Variants in SYCP1 observed in about 807,000 individuals in gnomAD.
SYCP1 encodes the protein synaptonemal complex protein 1.
A neutral mutation model predicts 153.1 loss-of-function variants in SYCP1; 64 were observed. The ratio of observed to expected loss-of-function variants is 0.42; its 90% CI spans 0.34 to 0.51. The LOEUF (loss-of-function observed/expected upper bound fraction) is 0.51. Ranked by LOEUF, SYCP1 falls within the 20% of genes least tolerant of loss-of-function variation. The pLI is 0.06. For synonymous variants in SYCP1, 384 were observed against 341.8 expected, an observed-to-expected ratio of 1.12 and a Z score of -1.36; for missense variants, 997 against 1,049.0, an observed-to-expected ratio of 0.95 and a Z score of 0.68.
chr1:114,947,472 T>G, intron 27 of SYCP1, 152 bp downstream of exon 27: 1 of 599,302 alleles, frequency 1.7e-6, no homozygotes, highest in Admixed American at 3.1e-5. Flanking sequence ...CTAGAAACAT[T>G]TAGAATATTT....
At chr1:114,855,046 C>T (rs1172686088) in intron 1 of SYCP1, 28 bp downstream of exon 1, 1 of 152,944 alleles carries the variant, frequency 6.5e-6, no homozygotes, top group Non-Finnish European at 1.5e-5. Flanking sequence ...GAGTTATTTT[C>T]CTGGGGACTG....
At chr1:114,896,765 T>G (rs902386001) in intron 16 of SYCP1, among the ~76,000 whole-genome samples, 5 of 152,230 alleles carry the variant, frequency 3.3e-5, no homozygotes, top group Non-Finnish European at 5.9e-5. Flanking sequence ...GATTCACTTC[T>G]GCATGGACAA....
intron 20 of SYCP1, among the ~76,000 whole-genome samples, chr1:114,914,392 A>T (rs1668381763): frequency 6.6e-6 from 1 of 151,882 alleles, no homozygotes; most frequent in African/African-American, 2.4e-5. Flanking sequence ...TAGAGTATTT[A>T]TACCCACTCT....
intron 20 of SYCP1, among the ~76,000 whole-genome samples, chr1:114,919,518 G>C (rs374755183): frequency 6.6e-6 from 1 of 151,916 alleles, no homozygotes. Context: ...TTGCCTCACA[G>C]AATGAGTTTA....
In SYCP1 at chr1:114,914,065, CT is replaced by C. The variant is rs768287912; in HGVS notation, c.1718+27del. ...ATTAAGGCAAGACTAACAAATTGGC[CT>C]TTTTTTGTCTGGCAAAAGATTTTGA... On this transcript the variant is annotated intron_variant, in intron 20 of 31. Transcript: ENST00000369522. 45 of 1,505,920 alleles carry C rather than the reference CT, an allele frequency of 3.0e-5. No homozygotes were observed. The Middle Eastern group carries it at 7.1e-4, about 24-fold the overall frequency. 93.3% of individuals were successfully genotyped at this position (1,505,920 alleles called of 1,614,324 possible).
rs752664522 is a variant in SYCP1 at position 114,944,919 on chromosome 1, A to G, written c.2091A>G (p.Lys697=). 1.6e-5 allele frequency: 26 copies of G among 1,606,024 alleles called. No individual in the cohort carries two copies. In the East Asian group the frequency reaches 2.5e-4, roughly 15 times the overall value. Residue 697 remains lysine (K), a synonymous_variant, in exon 25 of 32, where the codon AAA becomes AAG. Transcript: ENST00000369522. ...CTGATGAAGCAGTAAAATTACAGAA[A>G]GAAATTGATAAGCGATGTCAACATA... ...VIADEAVKLQ[K]EIDKRCQHKI... is the part of the protein sequence containing the mutation.
intron 15 of SYCP1, among the ~76,000 whole-genome samples, chr1:114,888,990 A>T (rs995994437): frequency 5.3e-5 from 8 of 152,068 alleles, no homozygotes; most frequent in Admixed American, 1.3e-4. Context: ...TTTGCTGAGA[A>T]TGATGGTTTC....
At chr1:114,953,792 T>C (rs1459851825) in intron 27 of SYCP1, among the ~76,000 whole-genome samples, 1 of 152,220 alleles carries the variant, frequency 6.6e-6, no homozygotes, top group Non-Finnish European at 1.5e-5. Context: ...ACTTTCCATA[T>C]ATTTTAGAAT....
chr1:114,969,815 A>G (rs555362225), intron 27 of SYCP1, among the ~76,000 whole-genome samples: 1 of 152,206 alleles, frequency 6.6e-6, no homozygotes. Context: ...GGTTGCAGAA[A>G]CCATAAGAAA....
At chr1:114,943,611 A>G (rs1670519592) in intron 23 of SYCP1, among the ~76,000 whole-genome samples, 1 of 151,908 alleles carries the variant, frequency 6.6e-6, no homozygotes, top group South Asian at 2.1e-4. Flanking sequence ...AATGTTTTTT[A>G]TGCTCGAAAG....
At chr1:114,854,256 G>A (rs533819410), upstream of SYCP1, among the ~76,000 whole-genome samples, 8 of 152,110 alleles carry the variant, frequency 5.3e-5, no homozygotes, top group Non-Finnish European at 8.8e-5. Flanking sequence ...TGATCTTCCC[G>A]CCTCAGCCTT....
At position 114,913,148 on chromosome 1, in the gene SYCP1, A is replaced by C. The variant is rs1352074855; in HGVS notation, c.1645A>C (p.Asn549His). ...ACTCAAGAATCAGCAAGAAGATATT[A>C]ATGTGAGTTGAAAAAGAAAGTGCTG... ...LELKNQQEDI[N>H]NNKKQEERML... Residue 549 changes from asparagine to histidine, a missense_variant and splice_region_variant, in exon 19 of 32, where the codon AAT becomes CAT. Physicochemically the swap from Asn to His is moderately conservative, Grantham distance 68. Around this residue, in one of 2 missense-constraint regions of SYCP1, gnomAD observed 712 missense variants for 682.9 expected, o/e 1.04. Transcript: ENST00000369522. 6.2e-7 allele frequency: 1 copy of C among 1,608,244 alleles called. No individual in the cohort carries two copies. The highest frequency in any genetic ancestry group is 1.7e-5 in the Admixed American group (1 of 59,626).
intron 29 of SYCP1, among the ~76,000 whole-genome samples, chr1:114,983,603 C>T (rs1673310242): frequency 6.6e-6 from 1 of 151,840 alleles, no homozygotes; most frequent in Non-Finnish European, 1.5e-5. Context: ...TGCCAGGCTG[C>T]CCCAGGAACG....
At position 114,948,696 on chromosome 1, in the gene SYCP1, T is replaced by G. The variant is rs148321870; in HGVS notation, c.2322+1376T>G. 2.6e-3 allele frequency among the ~76,000 whole-genome samples: 388 copies of G among 151,580 alleles called. 1 individual carries two copies. The highest frequency in any genetic ancestry group is 9.0e-3 in the African/African-American group (371 of 41,270). On this transcript the variant is annotated intron_variant, in intron 27 of 31. Transcript: ENST00000369522. Reference sequence around the variant, plus strand: ...CTCTGCAAGGTCTAATTATGCCTTATTTATCTTTGTTTTCCCTTTATCTGA... The same window carrying G: ...CTCTGCAAGGTCTAATTATGCCTTAGTTATCTTTGTTTTCCCTTTATCTGA...
At chr1:114,857,113 A>G in intron 3 of SYCP1, 119 bp from the exon 4 acceptor site, 1 of 750,108 alleles carries the variant, frequency 1.3e-6, no homozygotes. Context: ...TCTAGGCAAT[A>G]GTGCCAGATG....
chr1:114,955,211 A>G (rs1341541798), intron 27 of SYCP1, among the ~76,000 whole-genome samples: 1 of 152,010 alleles, frequency 6.6e-6, no homozygotes, highest in East Asian at 1.9e-4. Context: ...ACCTTGGTTG[A>G]TTTTTTGAAT....
intron 12 of SYCP1, among the ~76,000 whole-genome samples, chr1:114,881,054 TATACACACACACACACACACAC>T (rs1570689317): frequency 1.3e-5 from 1 of 77,868 alleles, no homozygotes. Flanking sequence ...AATTTGTGTA[TATACACACACACACACACACAC>T]ACACACACAC....
chr1:114,897,423 G>C (rs1356717403), intron 16 of SYCP1, among the ~76,000 whole-genome samples: 1 of 152,134 alleles, frequency 6.6e-6, no homozygotes, highest in African/African-American at 2.4e-5. Flanking sequence ...AAAATCCCAA[G>C]GCCTTTTACC....
intron 16 of SYCP1, among the ~76,000 whole-genome samples, chr1:114,905,878 A>C (rs72694099): frequency 0.061 from 9,270 of 152,122 alleles, 322 homozygotes; most frequent in Middle Eastern, 0.14. Flanking sequence ...TTTTTGTAGC[A>C]TTTCCTGTTA....
Sources: allele counts gnomAD v4.1 joint callset (sites outside exome capture counted in the v4.1 genomes callset), GRCh38; gene constraint gnomAD v4.1.1; regional missense constraint gnomAD v4.1.1; transcripts MANE v1.5; gene names NCBI Gene and HGNC (gene_info 2026-07-23, HGNC 2026-07-21).